Variants in HDAC8 observed in about 807,000 individuals in gnomAD.
The protein encoded by HDAC8 is histone deacetylase-like 1.
A neutral mutation model predicts 32.2 loss-of-function variants in HDAC8; 1 was observed. The ratio of observed to expected loss-of-function variants is 0.03; its 90% CI spans 0.01 to 0.15. The LOEUF (loss-of-function observed/expected upper bound fraction) is 0.15, where lower values mean the gene tolerates loss of function less well. Among genes scored for constraint, HDAC8 ranks in the 10% least tolerant of loss-of-function variants. The pLI is 1.00. For missense variants in HDAC8, 117 were observed against 300.0 expected (o/e 0.39, Z 4.51); for synonymous variants, 108 against 113.9 (o/e 0.95, Z 0.33).
intron 7 of HDAC8, chrX:72,468,131 CTT>C: frequency 1.3e-6 from 1 of 788,942 alleles, no homozygotes; most frequent in Non-Finnish European, 1.7e-6. Context: ...ATTGTGAACA[CTT>C]TTAAATTCAA....
At chrX:72,383,126 C>G (rs782369611) in intron 9 of HDAC8, among the ~76,000 whole-genome samples, 10 of 112,090 alleles carry the variant, frequency 8.9e-5, no homozygotes, top group Non-Finnish European at 1.9e-4. Flanking sequence ...ATTCATTCAT[C>G]GAAAGTCTGC....
At chrX:72,389,755 T>C (rs782228867) in intron 9 of HDAC8, among the ~76,000 whole-genome samples, 127 of 112,041 alleles carry the variant, frequency 1.1e-3, no homozygotes, top group Non-Finnish European at 2.1e-3. Flanking sequence ...ATACTGGATT[T>C]AACAAGATCC....
rs937793662 is a variant in HDAC8 at position 72,484,830 on chromosome X, C to T, written c.737+4103G>A. 4.5e-5 allele frequency among the ~76,000 whole-genome samples: 5 copies of T among 112,016 alleles called. No individual in the cohort carries two copies. In the East Asian group the frequency reaches 1.4e-3, roughly 31 times the overall value. On this transcript the variant is annotated intron_variant, in intron 7 of 10. Coordinates refer to ENST00000373573, the MANE Select transcript of HDAC8 (RefSeq NM_018486.3). ...TGTCCTTTTCTCTCAGAATCCTTAA[C>T]TATAAATGCTCCCAAAATTGTCAAC...
chrX:72,547,173 T>C (rs1164084227), intron 4 of HDAC8, among the ~76,000 whole-genome samples: 1 of 111,627 alleles, frequency 9.0e-6, no homozygotes, highest in Non-Finnish European at 1.9e-5. Flanking sequence ...AGGTCATTAA[T>C]GACCATCTTA....
chrX:72,520,711 ATTGT>A (rs1366983931), intron 4 of HDAC8, among the ~76,000 whole-genome samples: 1 of 112,357 alleles, frequency 8.9e-6, no homozygotes, highest in African/African-American at 3.2e-5. Flanking sequence ...GTCTTTAATA[ATTGT>A]TTAAGATTTC....
intron 9 of HDAC8, among the ~76,000 whole-genome samples, chrX:72,378,503 A>G (rs1030106569): frequency 1.8e-5 from 2 of 111,942 alleles, no homozygotes; most frequent in Admixed American, 1.9e-4. Context: ...TTCCAGAACC[A>G]TGAGCTAAAT....
chrX:72,531,125 G>A (rs1004872316), intron 4 of HDAC8, among the ~76,000 whole-genome samples: 6 of 111,810 alleles, frequency 5.4e-5, no homozygotes, highest in African/African-American at 1.3e-4. Flanking sequence ...GGTAGATTAA[G>A]GCCAGACTTT....
At chrX:72,490,079 C>T (rs1404406192) in intron 6 of HDAC8, among the ~76,000 whole-genome samples, 5 of 110,574 alleles carry the variant, frequency 4.5e-5, no homozygotes, top group African/African-American at 1.3e-4. Flanking sequence ...GTTAGAATGG[C>T]GATCATTAAA....
At chrX:72,515,587 T>TGGGGGGGGGGGGGGGGGGG (rs61675419) in intron 4 of HDAC8, among the ~76,000 whole-genome samples, 1 of 33,744 alleles carries the variant, frequency 3.0e-5, no homozygotes, top group Non-Finnish European at 6.3e-5. Flanking sequence ...TCAGTGTGTG[T>TGGGGGGGGGGGGGGGGGGG]GGGGGGGGGG....
chrX:72,567,104 A>C (rs2051822695), intron 4 of HDAC8, among the ~76,000 whole-genome samples: 1 of 112,104 alleles, frequency 8.9e-6, no homozygotes, highest in Non-Finnish European at 1.9e-5. Context: ...GAGATCGCGC[A>C]ACTGCACTCT....
intron 9 of HDAC8, among the ~76,000 whole-genome samples, chrX:72,458,726 T>C (rs782446491): frequency 8.9e-6 from 1 of 111,896 alleles, no homozygotes; most frequent in East Asian, 2.8e-4. Context: ...ACCAAATGAA[T>C]GGCACAGACT....
chrX:72,466,138 G>T (rs1343586652), intron 7 of HDAC8, among the ~76,000 whole-genome samples: 1 of 111,547 alleles, frequency 9.0e-6, no homozygotes, highest in Non-Finnish European at 1.9e-5. Flanking sequence ...CTGCTGCTGG[G>T]AGATACAGAG....
intron 9 of HDAC8, among the ~76,000 whole-genome samples, chrX:72,395,725 C>G (rs936664324): frequency 8.9e-6 from 1 of 112,268 alleles, no homozygotes; most frequent in East Asian, 2.8e-4. Context: ...ACAGACTGCA[C>G]AGACTTGAAG....
chrX:72,545,826 A>G (rs1556052796), intron 4 of HDAC8, among the ~76,000 whole-genome samples: 1 of 112,267 alleles, frequency 8.9e-6, no homozygotes, highest in Non-Finnish European at 1.9e-5. Context: ...GCAAGTACAG[A>G]GACATGCCCC....
At chrX:72,337,773 C>T (rs2043746967) in intron 10 of HDAC8, among the ~76,000 whole-genome samples, 1 of 111,840 alleles carries the variant, frequency 8.9e-6, no homozygotes, top group South Asian at 3.7e-4. Flanking sequence ...ACAATAAAAT[C>T]TAAGTTACTC....
intron 9 of HDAC8, among the ~76,000 whole-genome samples, chrX:72,385,502 C>T (rs1242405120): frequency 3.6e-5 from 4 of 110,835 alleles, no homozygotes; most frequent in Non-Finnish European, 7.5e-5. Flanking sequence ...AAACAAAAAA[C>T]TTGGAAAATA....
chrX:72,559,711 G>A (rs1181319600), intron 4 of HDAC8, among the ~76,000 whole-genome samples: 5 of 108,858 alleles, frequency 4.6e-5, no homozygotes, highest in Non-Finnish European at 9.6e-5. Context: ...GAGCGCCTCT[G>A]CCCAGCCGGG....
rs782412149 is a variant in HDAC8, at chrX:72,464,527, A to C, written c.910+32T>G. 3 of 1,165,159 alleles carry C rather than the reference A, an allele frequency of 2.6e-6. No homozygotes were observed. In the Admixed American group the frequency reaches 6.5e-5, roughly 25 times the overall value. On this transcript the variant is annotated intron_variant, in intron 8 of 10. Coordinates refer to ENST00000373573, the MANE Select transcript of HDAC8 (RefSeq NM_018486.3). ...AATGGACAAAATGTGGAGGAAGGTC[A>C]ACAAATTCTGGTAACCTTCCTTTAT...
intron 4 of HDAC8, among the ~76,000 whole-genome samples, chrX:72,562,388 G>GTCTCCA (rs2051599396): frequency 8.9e-6 from 1 of 112,296 alleles, no homozygotes; most frequent in Non-Finnish European, 1.9e-5. Context: ...TAGCAACATG[G>GTCTCCA]ATGGAATTGG....
Sources: allele counts gnomAD v4.1 joint callset (sites outside exome capture counted in the v4.1 genomes callset), GRCh38; gene constraint gnomAD v4.1.1; transcripts MANE v1.5; gene names NCBI Gene and HGNC (gene_info 2026-07-23, HGNC 2026-07-21).